The following NAV2 variants were observed in gnomAD, a reference collection of about 807,000 sequenced individuals.
NAV2 encodes helicase, APC down-regulated 1.
NAV2 carries 54 observed loss-of-function variants against 223.2 expected under a neutral mutation model. The ratio of observed to expected loss-of-function variants is 0.24; its 90% CI spans 0.19 to 0.30. The LOEUF (loss-of-function observed/expected upper bound fraction) is 0.30. Among genes scored for constraint, NAV2 ranks in the 10% least tolerant of loss-of-function variants. The pLI is 1.00. For missense variants in NAV2, 2,806 were observed against 3,147.5 expected, an observed-to-expected ratio of 0.89 and a Z score of 2.60; for synonymous variants, 1,279 against 1,239.3, an observed-to-expected ratio of 1.03 and a Z score of -0.67.
Position 19,536,560 on chromosome 11 carries a change from G to A in NAV2, c.75+185533G>A, listed in dbSNP as rs2044195446. On this transcript the variant is annotated intron_variant, in intron 1 of 37. Coordinates refer to the NAV2 transcript ENST00000360655. ...ATGTGCCAATACCCATTAAAGTTTG[G>A]AAAACAAACTGGAGCTTTGATATTT... Among the ~76,000 whole-genome samples, 4 of 152,154 alleles carry A rather than the reference G, an allele frequency of 2.6e-5. No homozygotes were observed. The South Asian group carries it at 8.3e-4, about 32-fold the overall frequency.
chr11:20,006,390 A>G (rs1035404212), intron 11 of NAV2, among the ~76,000 whole-genome samples: 1 of 151,790 alleles, frequency 6.6e-6, no homozygotes, highest in Non-Finnish European at 1.5e-5. Context: ...AAATATAAAA[A>G]TTGTGGCCGA....
intron 12 of NAV2, among the ~76,000 whole-genome samples, chr11:20,039,153 A>G (rs1440302007): frequency 6.6e-6 from 1 of 152,126 alleles, no homozygotes; most frequent in African/African-American, 2.4e-5. Context: ...GGCCAAGCAA[A>G]TTGAGGTGTC....
chr11:19,902,296 AG>A (rs1789954372), intron 6 of NAV2, among the ~76,000 whole-genome samples: 1 of 152,210 alleles, frequency 6.6e-6, no homozygotes. Flanking sequence ...CCTTCAGAAG[AG>A]GAGACACAAA....
intron 10 of NAV2, among the ~76,000 whole-genome samples, chr11:19,968,515 C>G (rs570267875): frequency 6.6e-6 from 1 of 152,168 alleles, no homozygotes; most frequent in African/African-American, 2.4e-5. Flanking sequence ...CCACTGTGCC[C>G]AGCCTTAATA....
intron 1 of NAV2, among the ~76,000 whole-genome samples, chr11:19,407,602 G>A (rs1025324568): frequency 6.6e-6 from 1 of 152,172 alleles, no homozygotes; most frequent in Non-Finnish European, 1.5e-5. Context: ...CTGCTGTGTA[G>A]AGACTGGAGC....
At chr11:19,967,151 C>T (rs1208260368) in intron 10 of NAV2, among the ~76,000 whole-genome samples, 2 of 152,098 alleles carry the variant, frequency 1.3e-5, no homozygotes, top group African/African-American at 4.8e-5. Context: ...CATACTGCTA[C>T]TAAAGGGTGC....
intron 4 of NAV2, among the ~76,000 whole-genome samples, chr11:19,878,133 T>C (rs1296996180): frequency 6.6e-6 from 1 of 152,222 alleles, no homozygotes; most frequent in Non-Finnish European, 1.5e-5. Flanking sequence ...CATCCTGACT[T>C]GTCCACATCA....
At chr11:19,641,452 C>A (rs1288184711) in intron 1 of NAV2, among the ~76,000 whole-genome samples, 1 of 151,978 alleles carries the variant, frequency 6.6e-6, no homozygotes, top group Non-Finnish European at 1.5e-5. Context: ...TCTATTCTTG[C>A]TATCTTTTAA....
intron 1 of NAV2, among the ~76,000 whole-genome samples, chr11:19,780,531 G>A (rs2056644247): frequency 6.6e-6 from 1 of 152,268 alleles, no homozygotes; most frequent in African/African-American, 2.4e-5. Flanking sequence ...GCTAATGCAC[G>A]GAGTGCAGGT....
At chr11:19,829,462 C>T (rs920718) in intron 1 of NAV2, among the ~76,000 whole-genome samples, 141,779 of 152,276 alleles carry the variant, frequency 0.93, 66,820 homozygotes, top group East Asian at 1. Flanking sequence ...AGGCTGTGGC[C>T]GATTTTGTTA....
intron 1 of NAV2, among the ~76,000 whole-genome samples, chr11:19,741,367 A>G (rs1324185263): frequency 6.6e-6 from 1 of 151,902 alleles, no homozygotes; most frequent in Non-Finnish European, 1.5e-5. Context: ...AGATTTATTT[A>G]TCCCACAGAA....
At chr11:19,959,732 G>C (rs1352140895) in intron 10 of NAV2, among the ~76,000 whole-genome samples, 1 of 152,188 alleles carries the variant, frequency 6.6e-6, no homozygotes, top group Non-Finnish European at 1.5e-5. Context: ...AAGCTAGTGA[G>C]CCCTCTCCTT....
chr11:19,426,748 C>T (rs577499497), intron 1 of NAV2, among the ~76,000 whole-genome samples: 26 of 152,104 alleles, frequency 1.7e-4, no homozygotes, highest in African/African-American at 6.0e-4. Flanking sequence ...TGACTCCTCC[C>T]ACAACTGCTG....
chr11:19,892,266 T>C (rs1736259572), intron 5 of NAV2, among the ~76,000 whole-genome samples, 168 bp from the exon 6 acceptor site: 1 of 152,236 alleles, frequency 6.6e-6, no homozygotes, highest in Non-Finnish European at 1.5e-5. Context: ...CTGGGGTCAT[T>C]ACTTGCCTAC....
At chr11:19,464,518 G>T (rs1852280169) in intron 1 of NAV2, among the ~76,000 whole-genome samples, 1 of 152,180 alleles carries the variant, frequency 6.6e-6, no homozygotes, top group Non-Finnish European at 1.5e-5. Context: ...CCTTGGGCAA[G>T]TCCCTTCTCC....
chr11:19,928,948 C>T (rs537986825), intron 6 of NAV2, among the ~76,000 whole-genome samples: 14 of 152,194 alleles, frequency 9.2e-5, no homozygotes, highest in African/African-American at 3.4e-4. Flanking sequence ...GTCATAGGAC[C>T]CCAGGATTAG....
chr11:19,961,556 G>C lies in NAV2; in HGVS notation c.2645+12476G>C, dbSNP rs1382693126. The stretch of plus-strand genomic sequence containing the variant: ...ATGAACCTCTCATCAAGCTGTTCTG[G>C]AAGAAATGTACAATGGAAATGGAAG... On this transcript the variant is annotated intron_variant, in intron 10 of 37. Coordinates refer to ENST00000349880, the MANE Select transcript of NAV2 (RefSeq NM_145117.5). 2.6e-5 allele frequency among the ~76,000 whole-genome samples: 4 copies of C among 152,198 alleles called. No individual in the cohort carries two copies. The East Asian group carries it at 7.7e-4, about 29-fold the overall frequency.
rs1047742797 is a variant in NAV2 at position 19,895,345 on chromosome 11, A to G, written c.931+2751A>G. On this transcript the variant is annotated intron_variant, in intron 6 of 37. Coordinates refer to ENST00000349880, the MANE Select transcript of NAV2 (RefSeq NM_145117.5). ...GCCCGCCTCGGCCTGCCAAAGTGCT[A>G]GGATTGCAGGTGTGAGCCACTGCGC... is the stretch of plus-strand genomic sequence containing the variant. Among the ~76,000 whole-genome samples the G allele has an allele frequency of 3.3e-5, 5 of 152,150 alleles. No individual in the cohort carries two copies. In the South Asian group the frequency reaches 8.3e-4, roughly 25 times the overall value.
intron 35 of NAV2, among the ~76,000 whole-genome samples, 164 bp downstream of exon 35, chr11:20,105,891 A>C (rs537103047): frequency 6.6e-6 from 1 of 151,726 alleles, no homozygotes; most frequent in Admixed American, 6.6e-5. Context: ...GTAGACCCCA[A>C]ATTGCTAGTG....
Sources: gnomAD v4.1 joint callset for allele counts (sites outside exome capture counted in the v4.1 genomes callset) on GRCh38, gnomAD v4.1.1 for gene constraint, MANE v1.5 for transcripts, NCBI Gene and HGNC (gene_info 2026-07-23, HGNC 2026-07-21) for gene names.